Variants in AVEN observed in about 807,000 individuals in gnomAD.
The protein encoded by AVEN is cell death regulator Aven.
Under a neutral mutation model 38.1 loss-of-function variants are expected in AVEN, and 41 were observed. The ratio of observed to expected loss-of-function variants is 1.08; its 90% CI spans 0.84 to 1.40. The LOEUF is 1.40. AVEN is among the 40% of genes most tolerant of loss of function. The pLI, the probability that AVEN is intolerant of heterozygous loss-of-function variation, is 0.00. For synonymous variants in AVEN, 206 were observed against 171.8 expected (o/e 1.20, Z -1.56); for missense variants, 605 against 438.8 (o/e 1.38, Z -3.38).
intron 2 of AVEN, among the ~76,000 whole-genome samples, chr15:33,889,594 AC>A (rs1891848196): frequency 2.9e-4 from 1 of 3,470 alleles, no homozygotes; most frequent in Non-Finnish European, 1.1e-3. Flanking sequence ...ATGTTTCTGC[AC>A]AAAAAAAAAT....
rs147773923 is a variant in AVEN, at chr15:33,894,075, C to T, written c.446-18080G>A. On this transcript the variant is annotated intron_variant, in intron 2 of 5. Coordinates refer to ENST00000306730, the MANE Select transcript of AVEN (RefSeq NM_020371.3). The stretch of plus-strand genomic sequence containing the variant: ...AGTGATTCTCCTGCCTCAGCCTCTC[C>T]AGTAGCTGGGACTACAAGTCAGCAC... Among the ~76,000 whole-genome samples, 412 of 151,872 alleles carry T rather than the reference C, an allele frequency of 2.7e-3. 1 individual carries two copies. Among genetic ancestry groups the T allele is most frequent in the African/African-American group, 9.2e-3 (380 of 41,426 alleles).
Position 34,063,176 on chromosome 15 carries a change from G to A in AVEN, n.1383C>T. 6.2e-7 allele frequency: 1 copy of A among 1,614,132 alleles called. No individual in the cohort carries two copies. Among genetic ancestry groups the A allele is most frequent in the Non-Finnish European group, 8.5e-7 (1 of 1,180,030 alleles). Reference sequence around the variant, plus strand: ...AAAGGGCTGGCATCATGATTGGCTTGGCCTGGCTGATCTCCTTCATCCTCT... The same window carrying A: ...AAAGGGCTGGCATCATGATTGGCTTAGCCTGGCTGATCTCCTTCATCCTCT... On this transcript the variant is annotated non_coding_transcript_exon_variant, in exon 5 of 12. Coordinates refer to the AVEN transcript ENST00000675287. The surrounding 1 kb of genome is among the most constrained non-coding windows in gnomAD (Gnocchi z 4.1).
chr15:34,016,254 A>G (rs907751935), intron 1 of AVEN, among the ~76,000 whole-genome samples: 12 of 152,240 alleles, frequency 7.9e-5, no homozygotes, highest in Admixed American at 1.3e-4. Flanking sequence ...AAACAAAAAC[A>G]AAACCGGAAA....
chr15:33,855,369 A>C (rs541791604), downstream of AVEN, among the ~76,000 whole-genome samples: 1 of 152,238 alleles, frequency 6.6e-6, no homozygotes, highest in South Asian at 2.1e-4. Flanking sequence ...ATGCCCGGCT[A>C]ATTTTTGTAT....
chr15:33,861,557 C>G (rs990506488), downstream of AVEN, among the ~76,000 whole-genome samples: 1 of 151,666 alleles, frequency 6.6e-6, no homozygotes, highest in Non-Finnish European at 1.5e-5. Context: ...ACTTCTTTTT[C>G]CCTTTCAGCA....
intron 2 of AVEN, among the ~76,000 whole-genome samples, chr15:33,933,353 T>C (rs1893921113): frequency 6.6e-6 from 1 of 152,000 alleles, no homozygotes; most frequent in African/African-American, 2.4e-5. Flanking sequence ...TAGACCTGAG[T>C]GATCTGTTCA....
At chr15:34,019,448 A>G (rs1898108529) in intron 1 of AVEN, among the ~76,000 whole-genome samples, 1 of 152,230 alleles carries the variant, frequency 6.6e-6, no homozygotes, top group Non-Finnish European at 1.5e-5. Flanking sequence ...TAAAAAAAGC[A>G]TAAGTTTAGT....
At chr15:33,947,984 G>C (rs943764742) in intron 2 of AVEN, among the ~76,000 whole-genome samples, 10 of 152,018 alleles carry the variant, frequency 6.6e-5, no homozygotes, top group African/African-American at 1.9e-4. Flanking sequence ...TTTTCAAACT[G>C]TAAGTGTAAA....
intron 11 of AVEN, among the ~76,000 whole-genome samples, chr15:33,860,276 G>T (rs1396633610): frequency 1.3e-5 from 2 of 152,132 alleles, no homozygotes; most frequent in South Asian, 4.2e-4. Flanking sequence ...GCTAGGAGAA[G>T]AGGGAGAGCC....
rs964527875 is a variant in AVEN at position 33,916,039 on chromosome 15, G to A, written c.446-40044C>T. The stretch of plus-strand genomic sequence containing the variant: ...AGCAAGCCCCACCCACGGAGAGTCT[G>A]AGCTCAGACACGCCCAACCCTGCTC... On this transcript the variant is annotated intron_variant, in intron 2 of 5. Coordinates refer to ENST00000306730, the MANE Select transcript of AVEN (RefSeq NM_020371.3). Among the ~76,000 whole-genome samples the A allele has an allele frequency of 4.3e-4, 66 of 152,040 alleles. 1 individual carries two copies. The highest frequency in any genetic ancestry group is 1.6e-3 in the African/African-American group (65 of 41,388).
In AVEN at chr15:34,038,947, C is replaced by T; in HGVS notation, c.100G>A (p.Ala34Thr). The change falls in exon 1 of 6, where the codon GCG (alanine) becomes ACG (threonine). Residue 34 changes from alanine to threonine, a missense_variant. By Grantham distance (58) the Ala-to-Thr change is moderately conservative. Coordinates refer to ENST00000306730, the MANE Select transcript of AVEN (RefSeq NM_020371.3). ...CCTCCGCCGCCGCCTCTGGCTACCG[C>T]CGCTGCGGCTCCGGGCCGCTCGCTG... ...RHSERPGAAAAVARGGGGGGG... is the reference protein window; with the variant it reads ...RHSERPGAAATVARGGGGGGG... 9.0e-7 allele frequency: 1 copy of T among 1,105,852 alleles called. No individual in the cohort carries two copies. Among genetic ancestry groups the T allele is most frequent in the Non-Finnish European group, 1.1e-6 (1 of 911,260 alleles). 68.5% of individuals were successfully genotyped at this position (1,105,852 alleles called of 1,614,324 possible). A position where few individuals can be genotyped will look rare whatever the true frequency, so the allele number is the denominator to read the frequency against.
At chr15:33,897,636 G>C (rs1421236387) in intron 2 of AVEN, among the ~76,000 whole-genome samples, 1 of 152,096 alleles carries the variant, frequency 6.6e-6, no homozygotes, top group Non-Finnish European at 1.5e-5. Flanking sequence ...CCAGCACTTT[G>C]GGAGGCTGAG....
intron 2 of AVEN, among the ~76,000 whole-genome samples, chr15:34,069,570 A>G (rs1900589316): frequency 6.6e-6 from 1 of 152,206 alleles, no homozygotes. Flanking sequence ...TATGTTCTCA[A>G]TGCATCACAT....
chr15:34,010,382 C>T (rs909975461), intron 1 of AVEN, among the ~76,000 whole-genome samples: 1 of 152,028 alleles, frequency 6.6e-6, no homozygotes, highest in Non-Finnish European at 1.5e-5. Flanking sequence ...TCTCTATCAC[C>T]AAGAGCCTTC....
At chr15:33,935,344 T>A (rs1243778427) in intron 2 of AVEN, among the ~76,000 whole-genome samples, 2 of 152,232 alleles carry the variant, frequency 1.3e-5, no homozygotes, top group Non-Finnish European at 2.9e-5. Context: ...TTCACAATTA[T>A]TGCAATAGTC....
intron 1 of AVEN, among the ~76,000 whole-genome samples, chr15:34,011,773 G>A (rs964723477): frequency 7.9e-5 from 12 of 152,082 alleles, no homozygotes; most frequent in Non-Finnish European, 1.3e-4. Flanking sequence ...CTTCCAAGTC[G>A]GCTAAAACTG....
At chr15:33,854,779 T>C (rs752075365), downstream of AVEN, 1 of 1,609,264 alleles carries the variant, frequency 6.2e-7, no homozygotes, top group Admixed American at 1.7e-5. Context: ...TTTCTCTACC[T>C]TGCCTGGTAT....
chr15:33,925,335 T>C (rs527866), intron 2 of AVEN, among the ~76,000 whole-genome samples: 105,761 of 152,078 alleles, frequency 0.7, 37,049 homozygotes, highest in East Asian at 0.76. Flanking sequence ...TTCTATAAGA[T>C]AAAACCAGGA....
At chr15:33,985,955 A>C (rs539360999) in intron 2 of AVEN, among the ~76,000 whole-genome samples, 1 of 152,198 alleles carries the variant, frequency 6.6e-6, no homozygotes, top group Non-Finnish European at 1.5e-5. Context: ...GGTGCCTGAT[A>C]TCTCTCTGAC....
Sources: gnomAD v4.1 joint callset for allele counts (sites outside exome capture counted in the v4.1 genomes callset) on GRCh38, gnomAD v4.1.1 for gene constraint, Gnocchi (gnomAD v3.1) non-coding constraint, MANE v1.5 for transcripts, NCBI Gene and HGNC (gene_info 2026-07-23, HGNC 2026-07-21) for gene names.